Variants in HS3ST2 observed in about 807,000 individuals in gnomAD.
HS3ST2 encodes heparan sulfate-glucosamine 3-sulfotransferase 2, also known as heparan sulfate glucosamine 3-O-sulfotransferase 2.
HS3ST2 carries 17 observed loss-of-function variants against 26.3 expected under a neutral mutation model. The observed-to-expected ratio is 0.65, with a 90% confidence interval of 0.44 to 0.97. The LOEUF is 0.97. Among genes scored for constraint, HS3ST2 ranks in the 50% least tolerant of loss-of-function variants. The pLI is 0.00. For synonymous variants in HS3ST2, 237 were observed against 219.2 expected, an observed-to-expected ratio of 1.08 and a Z score of -0.72; for missense variants, 402 against 501.2, an observed-to-expected ratio of 0.80 and a Z score of 1.89.
chr16:22,831,484 G>A (rs1901167074), intron 1 of HS3ST2, among the ~76,000 whole-genome samples: 1 of 152,172 alleles, frequency 6.6e-6, no homozygotes, highest in Admixed American at 6.5e-5. Context: ...CAGCTCCGCA[G>A]TATTTTTAGG....
Position 22,876,188 on chromosome 16 carries a change from C to A in HS3ST2, c.486-38756C>A, listed in dbSNP as rs991321106. 2.0e-5 allele frequency among the ~76,000 whole-genome samples: 3 copies of A among 152,024 alleles called. No homozygotes were observed. The East Asian group carries it at 5.8e-4, about 29-fold the overall frequency. Reference sequence around the variant, plus strand: ...ATGGCCATCAAAATGTCAGCTATAGCAAACTATGCATCCGACAAAGGACTA... The same window carrying A: ...ATGGCCATCAAAATGTCAGCTATAGAAAACTATGCATCCGACAAAGGACTA... On this transcript the variant is annotated intron_variant, in intron 1 of 1. Transcript: ENST00000261374.
intron 1 of HS3ST2, among the ~76,000 whole-genome samples, chr16:22,914,531 C>T (rs1902464678): frequency 6.6e-6 from 1 of 151,424 alleles, no homozygotes; most frequent in Admixed American, 6.6e-5. Flanking sequence ...ATAATGAGAC[C>T]CTGCTCTACA....
chr16:22,850,320 G>A (rs56225820), intron 1 of HS3ST2, among the ~76,000 whole-genome samples: 1,546 of 152,190 alleles, frequency 0.01, 19 homozygotes, highest in African/African-American at 0.036. Flanking sequence ...AATACTCTCG[G>A]TAGGTATATA....
intron 1 of HS3ST2, among the ~76,000 whole-genome samples, chr16:22,893,230 G>A (rs1902153811): frequency 6.6e-6 from 1 of 152,080 alleles, no homozygotes; most frequent in Admixed American, 6.5e-5. Flanking sequence ...TTATAATAAG[G>A]TTAAAATAAG....
At chr16:22,863,512 G>A (rs188439948) in intron 1 of HS3ST2, among the ~76,000 whole-genome samples, 15 of 152,288 alleles carry the variant, frequency 9.8e-5, no homozygotes, top group Admixed American at 7.2e-4. Flanking sequence ...TGAGGTTTGG[G>A]ATACAAATGA....
intron 1 of HS3ST2, among the ~76,000 whole-genome samples, chr16:22,875,981 G>A (rs7186170): frequency 0.3 from 45,796 of 152,100 alleles, 8,496 homozygotes; most frequent in East Asian, 0.41. Flanking sequence ...ATATGGGTGT[G>A]TAGTAGGCTC....
At chr16:22,859,051 A>G (rs566205892) in intron 1 of HS3ST2, among the ~76,000 whole-genome samples, 2 of 152,270 alleles carry the variant, frequency 1.3e-5, no homozygotes, top group South Asian at 4.1e-4. Context: ...CTGTAGTCCC[A>G]GCTACTTGAG....
At chr16:22,865,196 T>A (rs976294736) in intron 1 of HS3ST2, among the ~76,000 whole-genome samples, 2 of 150,906 alleles carry the variant, frequency 1.3e-5, no homozygotes, top group Non-Finnish European at 3.0e-5. Context: ...TAGAAAAAAA[T>A]ATTGACTCAA....
rs1901548300 is a variant in HS3ST2 at position 22,853,587 on chromosome 16, C to T, written c.485+38492C>T. On this transcript the variant is annotated intron_variant, in intron 1 of 1. Coordinates refer to ENST00000261374, the MANE Select transcript of HS3ST2 (RefSeq NM_006043.2). ...TGATAAGTGCTAATAGGAGGATGAT[C>T]GGCATTGGTTTCAGATGCTAGGATA... Among the ~76,000 whole-genome samples, 4 of 152,086 alleles carry T rather than the reference C, an allele frequency of 2.6e-5. No homozygotes were observed. In the South Asian group the frequency reaches 8.3e-4, roughly 32 times the overall value.
intron 1 of HS3ST2, among the ~76,000 whole-genome samples, chr16:22,847,121 C>T (rs1043173266): frequency 1.3e-5 from 2 of 152,098 alleles, no homozygotes; most frequent in South Asian, 4.2e-4. Flanking sequence ...CTTTCTGATC[C>T]TTGCCCTCTT....
chr16:22,898,569 G>C (rs1902238594), intron 1 of HS3ST2, among the ~76,000 whole-genome samples: 1 of 152,168 alleles, frequency 6.6e-6, no homozygotes, highest in Non-Finnish European at 1.5e-5. Context: ...GACAGAAAGG[G>C]AAAGGACTGG....
chr16:22,874,595 C>T (rs766361582), intron 1 of HS3ST2, among the ~76,000 whole-genome samples: 5 of 152,196 alleles, frequency 3.3e-5, no homozygotes, highest in Non-Finnish European at 7.3e-5. Context: ...CTCTGCCAGG[C>T]CATATGCTGT....
chr16:22,892,110 TAAA>T (rs55853160), intron 1 of HS3ST2, among the ~76,000 whole-genome samples: 11 of 113,628 alleles, frequency 9.7e-5, no homozygotes, highest in Admixed American at 9.1e-5. Context: ...CCATCTCTAC[TAAA>T]AAAAAAAAAA....
At chr16:22,847,055 T>C (rs1057149360) in intron 1 of HS3ST2, among the ~76,000 whole-genome samples, 2 of 152,108 alleles carry the variant, frequency 1.3e-5, no homozygotes, top group Admixed American at 6.6e-5. Flanking sequence ...TGGTGGGAGT[T>C]GTTGTACAGA....
chr16:22,885,287 A>C (rs576787613), intron 1 of HS3ST2, among the ~76,000 whole-genome samples: 1 of 152,088 alleles, frequency 6.6e-6, no homozygotes, highest in East Asian at 1.9e-4. Context: ...AATCTTTCAG[A>C]TGTCAATGCA....
chr16:22,815,276 C>G (rs939365222), intron 1 of HS3ST2, among the ~76,000 whole-genome samples, 181 bp downstream of exon 1: 1 of 152,240 alleles, frequency 6.6e-6, no homozygotes, highest in African/African-American at 2.4e-5. Context: ...ATAATCTAGA[C>G]GGGCAGTTTC....
intron 1 of HS3ST2, among the ~76,000 whole-genome samples, chr16:22,880,949 G>A (rs906033727): frequency 5.3e-5 from 8 of 152,236 alleles, no homozygotes; most frequent in Non-Finnish European, 1.0e-4. Flanking sequence ...CCCCAGGAAC[G>A]CTGTTAGATC....
At chr16:22,854,406 T>A (rs1901561849) in intron 1 of HS3ST2, among the ~76,000 whole-genome samples, 1 of 152,156 alleles carries the variant, frequency 6.6e-6, no homozygotes, top group Admixed American at 6.5e-5. Flanking sequence ...CAGGTTCAGG[T>A]TTTTCTTTAA....
intron 1 of HS3ST2, among the ~76,000 whole-genome samples, chr16:22,865,992 A>G (rs1901744397): frequency 6.6e-6 from 1 of 152,188 alleles, no homozygotes; most frequent in South Asian, 2.1e-4. Flanking sequence ...GTCATTTCTG[A>G]AAACAAAATC....
Sources: allele counts gnomAD v4.1 joint callset (sites outside exome capture counted in the v4.1 genomes callset), GRCh38; gene constraint gnomAD v4.1.1; transcripts MANE v1.5; gene names NCBI Gene and HGNC (gene_info 2026-07-23, HGNC 2026-07-21).